The following NDRG3 variants were observed in gnomAD, a reference collection of about 807,000 sequenced individuals.
NDRG3 encodes NDRG family member 3.
Under a neutral mutation model 57.2 loss-of-function variants are expected in NDRG3, and 23 were observed. The observed-to-expected ratio is 0.40, with a 90% CI of 0.29 to 0.57. The LOEUF is 0.57. Among genes scored for constraint, NDRG3 ranks in the 20% least tolerant of loss-of-function variants. The pLI is 0.42. For missense variants in NDRG3, 384 were observed against 457.3 expected, an observed-to-expected ratio of 0.84 and a Z score of 1.46; for synonymous variants, 132 against 162.6, an observed-to-expected ratio of 0.81 and a Z score of 1.43.
At position 36,666,350 on chromosome 20, in the gene NDRG3, T is replaced by C. The variant is rs761482086; in HGVS notation, c.631A>G (p.Met211Val). Residue 211 changes from methionine (M) to valine (V), a missense_variant, in exon 10 of 16, where the codon ATG becomes GTG. Physicochemically the swap from Met to Val is conservative, Grantham distance 21. Transcript: ENST00000349004. ...ANLDLIQTYR[M>V]HIAQDINQDN... is the part of the protein sequence containing the mutation. Reference sequence around the variant, plus strand: ...TGGTTGATGTCTTGGGCAATATGCATTCTGTAGGTTTGGATCAGGTCCAGG... The same window carrying C: ...TGGTTGATGTCTTGGGCAATATGCACTCTGTAGGTTTGGATCAGGTCCAGG... The C allele has an allele frequency of 1.1e-5, 18 of 1,614,152 alleles. No homozygotes were observed. The South Asian group carries it at 1.8e-4, about 16-fold the overall frequency.
chr20:36,663,537 CAG>C (rs1979376688), intron 12 of NDRG3, among the ~76,000 whole-genome samples: 1 of 152,082 alleles, frequency 6.6e-6, no homozygotes, highest in Non-Finnish European at 1.5e-5. Context: ...CAAATTAAAA[CAG>C]TGAGATACTA....
chr20:36,709,015 G>C (rs967892306), intron 2 of NDRG3, among the ~76,000 whole-genome samples: 4 of 152,116 alleles, frequency 2.6e-5, no homozygotes, highest in African/African-American at 9.7e-5. Context: ...TCCAGCCTGG[G>C]CAACAAGAGT....
In NDRG3 at chr20:36,676,047, TG is replaced by T. The variant is rs1980670058; in HGVS notation, c.532-4651del. On this transcript the variant is annotated intron_variant, in intron 8 of 15. Coordinates refer to ENST00000349004, the MANE Select transcript of NDRG3 (RefSeq NM_032013.4). ...TGAGGTCAGGAGATCGAGACCATCC[TG>T]GCGAACACGGTGAAACCCCGTCTCT... is the stretch of plus-strand genomic sequence containing the variant. Among the ~76,000 whole-genome samples the T allele has an allele frequency of 2.0e-5, 3 of 152,014 alleles. No homozygotes were observed. In the South Asian group the frequency reaches 6.2e-4, roughly 32 times the overall value.
intron 8 of NDRG3, among the ~76,000 whole-genome samples, chr20:36,672,923 GCACCATCATAGCT>G (rs1325767772): frequency 1.3e-5 from 2 of 152,082 alleles, no homozygotes. Context: ...GAGTGCAGTG[GCACCATCATAGCT>G]CACTGAAGCC....
chr20:36,653,789 C>T lies in NDRG3; in HGVS notation c.947-88G>A, dbSNP rs1823782608. On this transcript the variant is annotated intron_variant, in intron 15 of 15. Coordinates refer to ENST00000349004, the MANE Select transcript of NDRG3 (RefSeq NM_032013.4). The surrounding 1 kb of genome is among the most constrained non-coding windows in gnomAD (Gnocchi z 4.2). ...GTCTCATCAAAGTCTTTATGTTTAGCTTTTCCGACTCATTTACCATGACAC... is the reference window on the plus strand; with the variant it reads ...GTCTCATCAAAGTCTTTATGTTTAGTTTTTCCGACTCATTTACCATGACAC... The T allele has an allele frequency of 8.1e-7, 1 of 1,234,084 alleles. No individual in the cohort carries two copies. Among genetic ancestry groups the T allele is most frequent in the South Asian group, 1.4e-5 (1 of 70,828 alleles). 76.4% of individuals were successfully genotyped at this position (1,234,084 alleles called of 1,614,324 possible). A position where few individuals can be genotyped will look rare whatever the true frequency, so the allele number is the denominator to read the frequency against.
chr20:36,694,012 T>G (rs1269648543), intron 3 of NDRG3, among the ~76,000 whole-genome samples: 1 of 152,054 alleles, frequency 6.6e-6, no homozygotes, highest in Non-Finnish European at 1.5e-5. Context: ...TACAATAAAG[T>G]AAGCTAAAGA....
At chr20:36,669,630 G>T (rs571774011) in intron 9 of NDRG3, among the ~76,000 whole-genome samples, 13 of 152,180 alleles carry the variant, frequency 8.5e-5, no homozygotes, top group Non-Finnish European at 1.9e-4. Flanking sequence ...CTCCTAAAGT[G>T]CTGGGATTAC....
chr20:36,705,321 C>CAAAAAAAAAAAA (rs1174347133), intron 3 of NDRG3, among the ~76,000 whole-genome samples: 1 of 72,202 alleles, frequency 1.4e-5, no homozygotes, highest in African/African-American at 4.4e-5. Context: ...GACTCTGTCT[C>CAAAAAAAAAAAA]AAAAAAAAAA....
At chr20:36,654,774 G>A (rs1978509765) in intron 15 of NDRG3, 1 of 779,504 alleles carries the variant, frequency 1.3e-6, no homozygotes, top group African/African-American at 1.7e-5. Flanking sequence ...CTGGAAGGCG[G>A]GGCAGGGCCA....
chr20:36,743,158 G>A (rs1351132539), intron 1 of NDRG3, among the ~76,000 whole-genome samples: 1 of 152,174 alleles, frequency 6.6e-6, no homozygotes, highest in Admixed American at 6.5e-5. Context: ...CAACTCCACT[G>A]TAAACAGGCA....
At chr20:36,674,086 A>G (rs764609193) in intron 8 of NDRG3, among the ~76,000 whole-genome samples, 4 of 152,204 alleles carry the variant, frequency 2.6e-5, no homozygotes, top group Non-Finnish European at 5.9e-5. Context: ...AGCCTGGGCA[A>G]CAAGAGTGAA....
chr20:36,744,973 G>A (rs1002643191), intron 1 of NDRG3, among the ~76,000 whole-genome samples: 3 of 151,658 alleles, frequency 2.0e-5, no homozygotes, highest in Non-Finnish European at 3.0e-5. Context: ...GGTAAGGGGG[G>A]GGGGGGGCGC....
chr20:36,735,625 C>G (rs1307810106), intron 1 of NDRG3, among the ~76,000 whole-genome samples: 1 of 151,970 alleles, frequency 6.6e-6, no homozygotes, highest in Non-Finnish European at 1.5e-5. Flanking sequence ...ATGATGGGCC[C>G]TAAAGGGATA....
chr20:36,713,067 G>C (rs1030379199), intron 2 of NDRG3, among the ~76,000 whole-genome samples: 2 of 152,146 alleles, frequency 1.3e-5, no homozygotes, highest in Non-Finnish European at 2.9e-5. Context: ...AAAACTTCTA[G>C]AAATTTCAGG....
chr20:36,746,007 G>T, intron 1 of NDRG3, 38 bp downstream of exon 1: 1 of 303,004 alleles, frequency 3.3e-6, no homozygotes, highest in Non-Finnish European at 6.1e-6. Flanking sequence ...ATGCGGCGCC[G>T]CGCGCCCCCC....
chr20:36,724,515 C>T (rs1984800942), intron 1 of NDRG3, among the ~76,000 whole-genome samples: 1 of 152,190 alleles, frequency 6.6e-6, no homozygotes, highest in South Asian at 2.1e-4. Flanking sequence ...CCCCACTTAA[C>T]TCTTAAAATA....
intron 7 of NDRG3, 117 bp from the exon 8 acceptor site, chr20:36,681,019 T>G (rs1600888007): frequency 3.9e-6 from 3 of 760,384 alleles, no homozygotes; most frequent in Non-Finnish European, 6.5e-6. Context: ...CATTTGAAAG[T>G]AAGACTACAA....
chr20:36,708,971 G>T (rs6028965), intron 2 of NDRG3, among the ~76,000 whole-genome samples: 14 of 152,316 alleles, frequency 9.2e-5, no homozygotes, highest in African/African-American at 3.1e-4. Flanking sequence ...CAGGGAGGCG[G>T]AGGTTGCAGT....
intron 3 of NDRG3, among the ~76,000 whole-genome samples, chr20:36,697,975 T>A (rs1297557901): frequency 1.4e-5 from 2 of 146,854 alleles, no homozygotes; most frequent in African/African-American, 5.0e-5. Flanking sequence ...TTTTTTTTTT[T>A]TTTTTTTTGA....
Sources: allele counts gnomAD v4.1 joint callset (sites outside exome capture counted in the v4.1 genomes callset), GRCh38; gene constraint gnomAD v4.1.1; non-coding constraint Gnocchi (gnomAD v3.1); transcripts MANE v1.5; gene names NCBI Gene and HGNC (gene_info 2026-07-23, HGNC 2026-07-21).